Variants in ADAMTS12 observed in about 807,000 individuals in gnomAD.
The protein encoded by ADAMTS12 is A disintegrin and metalloproteinase with thrombospondin motifs 12.
In ADAMTS12, 118 loss-of-function variants were observed where a neutral mutation model predicts 167.8. The observed-to-expected ratio is 0.70, with a 90% CI of 0.61 to 0.82. The LOEUF (loss-of-function observed/expected upper bound fraction) is 0.82, where lower values mean the gene tolerates loss of function less well. Ranked by LOEUF, ADAMTS12 falls within the 40% of genes least tolerant of loss-of-function variation. ADAMTS12 has a pLI of 0.00. For missense variants in ADAMTS12, 1,916 were observed against 1,998.8 expected, an observed-to-expected ratio of 0.96 and a Z score of 0.79; for synonymous variants, 704 against 716.9, an observed-to-expected ratio of 0.98 and a Z score of 0.29.
At chr5:33,545,277 T>C (rs966819630) in intron 22 of ADAMTS12, among the ~76,000 whole-genome samples, 72 of 152,168 alleles carry the variant, frequency 4.7e-4, no homozygotes, top group Non-Finnish European at 4.3e-4. Flanking sequence ...TCATCACTGG[T>C]CATCAGAGAA....
Position 33,838,355 on chromosome 5 carries a change from G to A in ADAMTS12, c.489+42764C>T, listed in dbSNP as rs372641873. Among the ~76,000 whole-genome samples the A allele has an allele frequency of 1.1e-3, 168 of 152,238 alleles. 2 individuals are homozygous for A. The South Asian group carries it at 0.026, about 24-fold the overall frequency. On this transcript the variant is annotated intron_variant, in intron 2 of 23. Coordinates refer to ENST00000504830, the MANE Select transcript of ADAMTS12 (RefSeq NM_030955.4). The stretch of plus-strand genomic sequence containing the variant: ...TGTTAGAAAAAGAGGAATAAATGCA[G>A]ACAAAAAGAATCGTAGGCCACAAAG...
rs773851056 is a variant in ADAMTS12, at chr5:33,549,223, A to G, written c.4286T>C (p.Val1429Ala). 6.2e-7 allele frequency: 1 copy of G among 1,613,044 alleles called. No individual in the cohort carries two copies. Among genetic ancestry groups the G allele is most frequent in the East Asian group, 2.2e-5 (1 of 44,856 alleles). ...GGGACCTACCTGGCTCCAAGGCTCCACCTGCCACGCCTCACAGGGCTCCGG... is the reference window on the plus strand; with the variant it reads ...GGGACCTACCTGGCTCCAAGGCTCCGCCTGCCACGCCTCACAGGGCTCCGG... Reference protein sequence around the residue: ...CNPEPCEAWQVEPWSQCSRSC... With the variant: ...CNPEPCEAWQAEPWSQCSRSC... Residue 1429 changes from valine (V) to alanine (A), a missense_variant, in exon 21 of 24, where the codon GTG (valine) becomes GCG (alanine). Val to Ala is a moderately conservative substitution (Grantham distance 64). Coordinates refer to ENST00000504830, the MANE Select transcript of ADAMTS12 (RefSeq NM_030955.4).
chr5:33,793,610 T>C (rs1032864911), intron 2 of ADAMTS12, among the ~76,000 whole-genome samples: 3 of 152,192 alleles, frequency 2.0e-5, no homozygotes, highest in Non-Finnish European at 4.4e-5. Context: ...ACCCAAACTT[T>C]TTTTTCTTAT....
At chr5:33,775,864 T>C (rs1745895289) in intron 2 of ADAMTS12, among the ~76,000 whole-genome samples, 1 of 152,180 alleles carries the variant, frequency 6.6e-6, no homozygotes, top group East Asian at 1.9e-4. Flanking sequence ...GTGGAGGTGA[T>C]TCGGTAATGA....
intron 3 of ADAMTS12, among the ~76,000 whole-genome samples, chr5:33,724,847 G>A (rs527896880): frequency 1.4e-4 from 22 of 152,202 alleles, no homozygotes; most frequent in Non-Finnish European, 2.4e-4. Context: ...CACCGCACCC[G>A]GCCAACAGCT....
intron 14 of ADAMTS12, among the ~76,000 whole-genome samples, chr5:33,623,417 A>G (rs1739426305): frequency 6.6e-6 from 1 of 152,208 alleles, no homozygotes; most frequent in African/African-American, 2.4e-5. Flanking sequence ...AGGTCGGGGA[A>G]ACTCAGAGGT....
chr5:33,585,361 T>C (rs1234951869), intron 18 of ADAMTS12, among the ~76,000 whole-genome samples: 1 of 152,256 alleles, frequency 6.6e-6, no homozygotes, highest in African/African-American at 2.4e-5. Flanking sequence ...CATGTTGCTC[T>C]CTGCTCCCAC....
At chr5:33,543,312 G>A (rs763569097) in intron 22 of ADAMTS12, among the ~76,000 whole-genome samples, 5 of 152,116 alleles carry the variant, frequency 3.3e-5, no homozygotes, top group Non-Finnish European at 5.9e-5. Context: ...GGCTAAACCA[G>A]GAAGAAGATG....
intron 2 of ADAMTS12, among the ~76,000 whole-genome samples, chr5:33,801,027 G>A (rs1441555749): frequency 6.6e-6 from 1 of 152,188 alleles, no homozygotes; most frequent in Non-Finnish European, 1.5e-5. Context: ...AGGAGAAGGT[G>A]CTGGAACCAT....
intron 15 of ADAMTS12, among the ~76,000 whole-genome samples, chr5:33,615,137 G>T (rs554336028): frequency 5.8e-4 from 88 of 152,280 alleles, no homozygotes; most frequent in African/African-American, 2.1e-3. Flanking sequence ...TGGGACTGGG[G>T]ATTCCCATGT....
intron 2 of ADAMTS12, among the ~76,000 whole-genome samples, chr5:33,813,810 A>C (rs1747549291): frequency 6.6e-6 from 1 of 152,222 alleles, no homozygotes. Context: ...ACCTCATCTG[A>C]TGCCATGTGG....
Position 33,751,459 on chromosome 5 carries a change from G to T in ADAMTS12, c.579C>A (p.Ile193=), listed in dbSNP as rs746332452. Residue 193 remains isoleucine, a synonymous_variant, in exon 3 of 24, where the codon ATC becomes ATA. Transcript: ENST00000504830. ...CTGGAACTTTCTGCCTCCTGTAAAC[G>T]ATGTGCGGGTGGTACCCTCCCTCAA... ...PLVEGGYHPH[I]VYRRQKVPET... The T allele has an allele frequency of 3.1e-6, 5 of 1,613,984 alleles. No homozygotes were observed. The East Asian group carries it at 8.9e-5, about 29-fold the overall frequency.
At chr5:33,578,352 C>A (rs958049302) in intron 18 of ADAMTS12, among the ~76,000 whole-genome samples, 1 of 152,180 alleles carries the variant, frequency 6.6e-6, no homozygotes, top group Non-Finnish European at 1.5e-5. Context: ...GGCCCAGGAA[C>A]TCACTTGAAA....
At chr5:33,890,017 G>A (rs1472554226) in intron 1 of ADAMTS12, among the ~76,000 whole-genome samples, 1 of 152,154 alleles carries the variant, frequency 6.6e-6, no homozygotes, top group Non-Finnish European at 1.5e-5. Flanking sequence ...TAAGCTTGGA[G>A]CACTTTATAG....
chr5:33,752,702 A>G (rs916446775), intron 2 of ADAMTS12, among the ~76,000 whole-genome samples: 4 of 152,178 alleles, frequency 2.6e-5, no homozygotes, highest in Non-Finnish European at 4.4e-5. Context: ...CTAAACTTGG[A>G]AACATGGGGG....
intron 5 of ADAMTS12, among the ~76,000 whole-genome samples, chr5:33,669,406 A>C (rs1348840404): frequency 1.3e-5 from 2 of 152,198 alleles, no homozygotes; most frequent in African/African-American, 4.8e-5. Context: ...TCAATCTGTG[A>C]AATGTTCCAC....
intron 2 of ADAMTS12, among the ~76,000 whole-genome samples, chr5:33,773,454 T>C (rs1579923758): frequency 6.6e-6 from 1 of 152,204 alleles, no homozygotes; most frequent in Non-Finnish European, 1.5e-5. Context: ...TGGCCTGACA[T>C]GTGCTCTAGG....
intron 3 of ADAMTS12, among the ~76,000 whole-genome samples, chr5:33,734,667 C>T (rs540164734): frequency 6.6e-6 from 1 of 152,280 alleles, no homozygotes; most frequent in Admixed American, 6.5e-5. Context: ...ACTTATGCTC[C>T]AGGTTAGCAA....
At chr5:33,621,886 T>C (rs1166668798) in intron 14 of ADAMTS12, among the ~76,000 whole-genome samples, 3 of 152,220 alleles carry the variant, frequency 2.0e-5, no homozygotes, top group Admixed American at 6.5e-5. Context: ...GGTATATGTT[T>C]TGAGAAGTTA....
Sources: allele counts gnomAD v4.1 joint callset (sites outside exome capture counted in the v4.1 genomes callset), GRCh38; gene constraint gnomAD v4.1.1; transcripts MANE v1.5; gene names NCBI Gene and HGNC (gene_info 2026-07-23, HGNC 2026-07-21).